Variants in COL6A3 observed in about 807,000 individuals in gnomAD.
COL6A3 encodes the protein collagen type VI alpha 3 chain.
COL6A3 carries 137 observed loss-of-function variants against 274.1 expected under a neutral mutation model. The observed-to-expected ratio is 0.50, with a 90% CI of 0.44 to 0.58. The LOEUF (loss-of-function observed/expected upper bound fraction) is 0.58. Ranked by LOEUF, COL6A3 falls within the 20% of genes least tolerant of loss-of-function variation. COL6A3 has a pLI of 0.00. For missense variants in COL6A3, 3,950 were observed against 4,124.9 expected (o/e 0.96, Z 1.16); for synonymous variants, 1,650 against 1,650.6 (o/e 1.00, Z 0.01).
At chr2:237,358,652 A>G (rs1476972835) in intron 20 of COL6A3, 69 bp from the exon 21 acceptor site, 1 of 1,313,168 alleles carries the variant, frequency 7.6e-7, no homozygotes, top group Non-Finnish European at 1.1e-6. Flanking sequence ...TAAAAATCAC[A>G]TTCTTCAACT....
At chr2:237,370,354 T>G (rs910319861) in intron 9 of COL6A3, among the ~76,000 whole-genome samples, 1 of 152,078 alleles carries the variant, frequency 6.6e-6, no homozygotes, top group Admixed American at 6.5e-5. Context: ...TTCATCTGCC[T>G]CAGCCTCCCG....
chr2:237,400,837 A>C (rs2078570802), intron 1 of COL6A3, among the ~76,000 whole-genome samples: 1 of 152,208 alleles, frequency 6.6e-6, no homozygotes, highest in Non-Finnish European at 1.5e-5. Flanking sequence ...TTCTCAACAC[A>C]ATACTAGCTG....
At chr2:237,367,380 C>A in intron 10 of COL6A3, 94 bp from the exon 11 acceptor site, 1 of 1,421,882 alleles carries the variant, frequency 7.0e-7, no homozygotes, top group Non-Finnish European at 9.5e-7. Flanking sequence ...TGAAATAAGA[C>A]ATTCCTAATA....
intron 1 of COL6A3, among the ~76,000 whole-genome samples, chr2:237,397,144 GGAAGGGAAGA>G (rs1272090789): frequency 3.5e-4 from 50 of 144,844 alleles, no homozygotes; most frequent in African/African-American, 1.2e-3. Context: ...GAAGGAGAAG[GGAAGGGAAGA>G]GAAGGGAAGG....
intron 3 of COL6A3, among the ~76,000 whole-genome samples, chr2:237,391,327 A>T (rs1167360628): frequency 2.0e-5 from 3 of 152,314 alleles, no homozygotes; most frequent in Non-Finnish European, 4.4e-5. Context: ...ATAAAAACAA[A>T]GGTTTTATCA....
intron 17 of COL6A3, 121 bp downstream of exon 17, chr2:237,359,967 G>A (rs539560565): frequency 5.1e-5 from 51 of 999,946 alleles, no homozygotes; most frequent in East Asian, 2.6e-4. Flanking sequence ...GAGAGGTCAC[G>A]GGCTGCTGAA....
In COL6A3 at chr2:237,394,755, C is replaced by G. The variant is rs2078386331; in HGVS notation, c.541G>C (p.Asp181His). Reference protein sequence around the residue: ...NVFAIGVEDADEGALKEIASE... With the variant: ...NVFAIGVEDAHEGALKEIASE... ...GCTATTTCTTTTAACGCTCCTTCAT[C>G]TGCATCCTCAACTCCAATTGCAAAC... The change falls in exon 3 of 44, where the codon GAT becomes CAT. Residue 181 changes from aspartate to histidine, a missense_variant. Transcript: ENST00000295550. 2.5e-6 allele frequency: 4 copies of G among 1,614,236 alleles called. No individual in the cohort carries two copies. Among genetic ancestry groups the G allele is most frequent in the African/African-American group, 1.3e-5 (1 of 75,056 alleles).
At chr2:237,339,268 G>T in intron 38 of COL6A3, 151 bp from the exon 39 acceptor site, 1 of 660,006 alleles carries the variant, frequency 1.5e-6, no homozygotes, top group Non-Finnish European at 2.7e-6. Context: ...TATGTCCAGT[G>T]ATTTTAAACA....
intron 1 of COL6A3, 46 bp from the exon 2 acceptor site, chr2:237,396,893 C>T (rs1451383540): frequency 8.9e-6 from 12 of 1,355,666 alleles, no homozygotes; most frequent in Middle Eastern, 1.8e-4. Flanking sequence ...TTTTGACTCT[C>T]ATTATGCAAA....
chr2:237,341,993 T>A, intron 37 of COL6A3, 72 bp downstream of exon 37: 1 of 1,250,890 alleles, frequency 8.0e-7, no homozygotes, highest in South Asian at 1.2e-5. Flanking sequence ...ATCATTATTC[T>A]CTCACTCTCC....
At chr2:237,385,906 G>A (rs372041605) in intron 4 of COL6A3, among the ~76,000 whole-genome samples, 1 of 152,318 alleles carries the variant, frequency 6.6e-6, no homozygotes, top group East Asian at 1.9e-4. Context: ...GTCCCATCAA[G>A]TGAGAGGAAA....
chr2:237,334,291 C>A (rs111902771), intron 41 of COL6A3, among the ~76,000 whole-genome samples: 2 of 152,182 alleles, frequency 1.3e-5, no homozygotes, highest in Non-Finnish European at 2.9e-5. Context: ...GGTGGGCAAC[C>A]AGGAGCCCTC....
intron 25 of COL6A3, among the ~76,000 whole-genome samples, chr2:237,352,791 C>T (rs1473747381): frequency 6.6e-6 from 1 of 152,208 alleles, no homozygotes; most frequent in Non-Finnish European, 1.5e-5. Context: ...AAAATGTATA[C>T]AAGCAACAAG....
At chr2:237,329,834 C>T (rs1700130200) in intron 42 of COL6A3, 1 of 152,088 alleles carries the variant, frequency 6.6e-6, no homozygotes, top group Admixed American at 6.5e-5. Flanking sequence ...TCAGAAGTGT[C>T]CCAATGAGAA....
At chr2:237,380,286 G>A (rs971873213) in intron 5 of COL6A3, among the ~76,000 whole-genome samples, 1 of 152,198 alleles carries the variant, frequency 6.6e-6, no homozygotes, top group Admixed American at 6.5e-5. Flanking sequence ...ATTAAGGGCA[G>A]TGAATTGTAT....
Position 237,388,691 on chromosome 2 carries a change from G to T in COL6A3, c.710-507C>A, listed in dbSNP as rs559403835. On this transcript the variant is annotated intron_variant, in intron 3 of 43. Coordinates refer to ENST00000295550, the MANE Select transcript of COL6A3 (RefSeq NM_004369.4). Reference sequence around the variant, plus strand: ...AGCTACAAAACAGAGTCACGATTTGGTGATTCCTCAACCCAGTATGTTGCT... The same window carrying T: ...AGCTACAAAACAGAGTCACGATTTGTTGATTCCTCAACCCAGTATGTTGCT... 3.3e-5 allele frequency among the ~76,000 whole-genome samples: 5 copies of T among 152,268 alleles called. 1 individual carries two copies. In the East Asian group the frequency reaches 9.6e-4, roughly 29 times the overall value.
At chr2:237,396,979 C>A in intron 1 of COL6A3, 132 bp from the exon 2 acceptor site, 1 of 664,970 alleles carries the variant, frequency 1.5e-6, no homozygotes, top group Non-Finnish European at 2.7e-6. Context: ...ATTCTTTGAA[C>A]CAGCAGCAAA....
chr2:237,363,887 G>A (rs1261695346), intron 13 of COL6A3, among the ~76,000 whole-genome samples: 1 of 152,222 alleles, frequency 6.6e-6, no homozygotes, highest in Non-Finnish European at 1.5e-5. Flanking sequence ...GATCACATCT[G>A]ATAATAGGCA....
At position 237,364,220 on chromosome 2, in the gene COL6A3, AGGAAG is replaced by A; in HGVS notation, c.5917+125_5917+129del. ...GGTGATGAAGGGCCACAACGCTGGG[AGGAAG>A]AGTCTCCCAAGACAACGCTGCTCCC... On this transcript the variant is annotated intron_variant, in intron 13 of 43. Transcript: ENST00000295550. This position sits in a 1 kb window ranked among gnomAD's most constrained non-coding sequence, Gnocchi z 4.6. The A allele has an allele frequency of 1.3e-6, 1 of 761,874 alleles. No homozygotes were observed. Among genetic ancestry groups the A allele is most frequent in the Non-Finnish European group, 2.3e-6 (1 of 432,936 alleles). 47.2% of individuals were successfully genotyped at this position (761,874 alleles called of 1,614,324 possible).
Sources: allele counts gnomAD v4.1 joint callset (sites outside exome capture counted in the v4.1 genomes callset), GRCh38; gene constraint gnomAD v4.1.1; non-coding constraint Gnocchi (gnomAD v3.1); transcripts MANE v1.5; gene names NCBI Gene and HGNC (gene_info 2026-07-23, HGNC 2026-07-21).